RIMS1: variants seen among roughly 807,000 people sequenced by gnomAD.
RIMS1 encodes regulating synaptic membrane exocytosis 1.
A neutral mutation model predicts 214.1 loss-of-function variants in RIMS1; 83 were observed. That is an observed-to-expected ratio of 0.39 (90% confidence interval 0.32 to 0.47). RIMS1 has a LOEUF of 0.47. RIMS1 is among the 20% of genes least tolerant of loss of function. The pLI, the probability that RIMS1 is intolerant of heterozygous loss-of-function variation, is 0.99. For synonymous variants in RIMS1, 793 were observed against 786.8 expected, an observed-to-expected ratio of 1.01 and a Z score of -0.13; for missense variants, 2,050 against 2,161.8, an observed-to-expected ratio of 0.95 and a Z score of 1.03.
intron 2 of RIMS1, among the ~76,000 whole-genome samples, chr6:72,037,754 T>C (rs1316557473): frequency 6.6e-6 from 1 of 151,974 alleles, no homozygotes; most frequent in Non-Finnish European, 1.5e-5. Context: ...AATAGTAGGC[T>C]TTTTTATGTT....
intron 19 of RIMS1, chr6:72,261,664 A>C: frequency 1.5e-5 from 15 of 985,276 alleles, no homozygotes; most frequent in Non-Finnish European, 1.8e-5. Context: ...AGAAAGAGGT[A>C]TTACCGCAGT....
chr6:72,359,131 CTAA>C (rs1365977636), intron 29 of RIMS1, among the ~76,000 whole-genome samples: 1 of 152,148 alleles, frequency 6.6e-6, no homozygotes, highest in African/African-American at 2.4e-5. Flanking sequence ...AAGAAAGAGG[CTAA>C]CAAATACAGT....
chr6:72,260,518 A>T (rs1031560993), intron 18 of RIMS1, among the ~76,000 whole-genome samples, 187 bp from the exon 19 acceptor site: 8 of 152,174 alleles, frequency 5.3e-5, no homozygotes, highest in African/African-American at 1.7e-4. Context: ...TTCAACCATA[A>T]TATTTGTACT....
intron 6 of RIMS1, among the ~76,000 whole-genome samples, chr6:72,203,279 G>T (rs762929175): frequency 6.6e-6 from 1 of 152,108 alleles, no homozygotes; most frequent in Non-Finnish European, 1.5e-5. Flanking sequence ...GAGCCACCGC[G>T]CCTGGCCCCA....
chr6:72,179,710 G>A lies in RIMS1; in HGVS notation c.607G>A (p.Glu203Lys), dbSNP rs567220082. 6.2e-7 allele frequency: 1 copy of A among 1,613,916 alleles called. No homozygotes were observed. Among genetic ancestry groups the A allele is most frequent in the East Asian group, 2.2e-5 (1 of 44,870 alleles). Residue 203 changes from glutamate (E) to lysine (K), a missense_variant, in exon 5 of 34, where the codon GAG becomes AAG. Coordinates refer to ENST00000521978, the MANE Select transcript of RIMS1 (RefSeq NM_014989.7). ...LSDTATGAGS[E>K]VPREKKARLQ... ...TGATACAGCTACAGGTGCTGGCTCTGAGGTACCAAGAGAAAAGAAAGCACG... is the reference window on the plus strand; with the variant it reads ...TGATACAGCTACAGGTGCTGGCTCTAAGGTACCAAGAGAAAAGAAAGCACG...
chr6:72,210,622 G>C (rs2053641329), intron 6 of RIMS1, among the ~76,000 whole-genome samples: 4 of 152,178 alleles, frequency 2.6e-5, no homozygotes, highest in Admixed American at 2.6e-4. Flanking sequence ...CCTTGAACCA[G>C]ATATTAAGTG....
In RIMS1 at chr6:72,055,051, T is replaced by C. The variant is rs560522627; in HGVS notation, c.246-41898T>C. Among the ~76,000 whole-genome samples, 10 of 152,256 alleles carry C rather than the reference T, an allele frequency of 6.6e-5. No homozygotes were observed. The South Asian group carries it at 1.9e-3, about 28-fold the overall frequency. ...AGGTTTTCTTCTAAGATTTTTATGGTTTTGAGTTTTACATTTAAGTCTTTA... is the reference window on the plus strand; with the variant it reads ...AGGTTTTCTTCTAAGATTTTTATGGCTTTGAGTTTTACATTTAAGTCTTTA... On this transcript the variant is annotated intron_variant, in intron 2 of 33. Transcript: ENST00000521978.
At chr6:72,098,538 G>A (rs894664575) in intron 3 of RIMS1, among the ~76,000 whole-genome samples, 3 of 151,120 alleles carry the variant, frequency 2.0e-5, no homozygotes, top group South Asian at 2.1e-4. Flanking sequence ...CAGGTGATCC[G>A]CCCGTCTCGG....
chr6:72,203,172 A>G (rs1290165875), intron 6 of RIMS1, among the ~76,000 whole-genome samples: 1 of 151,984 alleles, frequency 6.6e-6, no homozygotes, highest in Non-Finnish European at 1.5e-5. Context: ...TATTTTTAAT[A>G]GAGGCGGGGT....
chr6:72,299,809 T>C (rs1207251882), intron 26 of RIMS1, among the ~76,000 whole-genome samples: 1 of 151,848 alleles, frequency 6.6e-6, no homozygotes, highest in African/African-American at 2.4e-5. Flanking sequence ...CTTTTTAAAA[T>C]AAGTAAACCA....
At chr6:72,001,694 T>A (rs943157426) in intron 2 of RIMS1, among the ~76,000 whole-genome samples, 2 of 152,190 alleles carry the variant, frequency 1.3e-5, no homozygotes, top group South Asian at 2.1e-4. Context: ...TGATTTTGAT[T>A]GTATATTGTA....
chr6:72,100,099 C>G, intron 4 of RIMS1, 113 bp downstream of exon 4: 1 of 800,912 alleles, frequency 1.2e-6, no homozygotes, highest in Non-Finnish European at 2.0e-6. Context: ...AAATTATATA[C>G]TAGGAAGAGC....
intron 4 of RIMS1, among the ~76,000 whole-genome samples, chr6:72,102,151 T>G (rs1045633866): frequency 2.0e-5 from 3 of 151,972 alleles, no homozygotes; most frequent in Non-Finnish European, 2.9e-5. Flanking sequence ...TATTTAACAC[T>G]TTGCTGCTGC....
At chr6:71,930,753 T>C (rs1782793136) in intron 1 of RIMS1, among the ~76,000 whole-genome samples, 3 of 152,074 alleles carry the variant, frequency 2.0e-5, no homozygotes, top group Admixed American at 6.6e-5. Context: ...GAAGCTTGCC[T>C]GAAGATTTAC....
intron 4 of RIMS1, among the ~76,000 whole-genome samples, chr6:72,153,986 A>G (rs1268552628): frequency 6.6e-6 from 1 of 152,110 alleles, no homozygotes; most frequent in African/African-American, 2.4e-5. Context: ...TGAGAACATA[A>G]CTCTTACCTA....
At chr6:71,965,763 CTT>C (rs887554920) in intron 1 of RIMS1, among the ~76,000 whole-genome samples, 3 of 152,098 alleles carry the variant, frequency 2.0e-5, no homozygotes, top group South Asian at 2.1e-4. Context: ...TAATTAAAGA[CTT>C]TGCAAAAAAT....
Position 72,380,316 on chromosome 6 carries a change from C to T in RIMS1, c.4367-10282C>T, listed in dbSNP as rs577014373. On this transcript the variant is annotated intron_variant, in intron 29 of 33. Coordinates refer to ENST00000521978, the MANE Select transcript of RIMS1 (RefSeq NM_014989.7). ...AATGTAAATGATGAGTTAATGGGTG[C>T]AGCACACCAACATGGCACATGTATA... is the stretch of plus-strand genomic sequence containing the variant. Among the ~76,000 whole-genome samples, 4 of 152,200 alleles carry T rather than the reference C, an allele frequency of 2.6e-5. No individual in the cohort carries two copies. The South Asian group carries it at 8.3e-4, about 32-fold the overall frequency.
At chr6:72,154,271 C>G (rs1489320258) in intron 4 of RIMS1, among the ~76,000 whole-genome samples, 1 of 139,760 alleles carries the variant, frequency 7.2e-6, no homozygotes, top group Non-Finnish European at 1.6e-5. Flanking sequence ...CTATGAAGGA[C>G]TATGTTGCTA....
chr6:72,369,235 A>G (rs1230666176), intron 29 of RIMS1, among the ~76,000 whole-genome samples: 1 of 151,972 alleles, frequency 6.6e-6, no homozygotes. Context: ...CAATTGAAAT[A>G]AGAAGGGAGG....
Sources: gnomAD v4.1 joint callset for allele counts (sites outside exome capture counted in the v4.1 genomes callset) on GRCh38, gnomAD v4.1.1 for gene constraint, MANE v1.5 for transcripts, NCBI Gene and HGNC (gene_info 2026-07-23, HGNC 2026-07-21) for gene names.